Variants in BMP2K observed in about 807,000 individuals in gnomAD.
BMP2K encodes the protein BMP2 inducible kinase, also known as BMP-2-inducible protein kinase.
In BMP2K, 74 loss-of-function variants were observed where a neutral mutation model predicts 116.0. The observed-to-expected ratio is 0.64, with a 90% CI of 0.53 to 0.77. BMP2K has a LOEUF of 0.77. Among genes scored for constraint, BMP2K ranks in the 30% least tolerant of loss-of-function variants. The pLI, the probability that BMP2K is intolerant of heterozygous loss-of-function variation, is 0.00. For synonymous variants in BMP2K, 486 were observed against 502.5 expected (o/e 0.97, Z 0.44); for missense variants, 1,365 against 1,403.6 (o/e 0.97, Z 0.44).
In BMP2K at chr4:78,871,901, C is replaced by T. The variant is rs772737435; in HGVS notation, c.1561C>T (p.His521Tyr). The change falls in exon 12 of 16, where the codon CAT (histidine) becomes TAT (tyrosine). Residue 521 changes from histidine to tyrosine, a missense_variant. This residue lies in a region of BMP2K where 762 missense variants were observed against 756.7 expected (regional missense o/e 1.01). Coordinates refer to ENST00000502613, the MANE Select transcript of BMP2K (RefSeq NM_198892.2). ...QQMLQQQFLM[H>Y]SVYQPQPSAS... Reference sequence around the variant, plus strand: ...GATGCTTCAACAACAATTTTTAATGCATTCGGTATATCAACCACAACCTTC... The same window carrying T: ...GATGCTTCAACAACAATTTTTAATGTATTCGGTATATCAACCACAACCTTC... The T allele has an allele frequency of 1.2e-6, 2 of 1,612,884 alleles. No homozygotes were observed. The highest frequency in any genetic ancestry group is 2.2e-5 in the South Asian group (2 of 90,898).
intron 4 of BMP2K, among the ~76,000 whole-genome samples, chr4:78,843,741 C>G (rs1043009843): frequency 6.6e-6 from 1 of 151,834 alleles, no homozygotes; most frequent in African/African-American, 2.4e-5. Context: ...TTTGAATATG[C>G]AGCTTTTCCA....
At chr4:78,810,089 A>G (rs1729012889) in intron 1 of BMP2K, among the ~76,000 whole-genome samples, 1 of 152,212 alleles carries the variant, frequency 6.6e-6, no homozygotes, top group Non-Finnish European at 1.5e-5. Flanking sequence ...GTGGGTTGCC[A>G]CTGAAGTCTG....
At chr4:78,890,320 A>G (rs1296722446) in intron 15 of BMP2K, among the ~76,000 whole-genome samples, 4 of 152,018 alleles carry the variant, frequency 2.6e-5, no homozygotes, top group Non-Finnish European at 4.4e-5. Flanking sequence ...AACAATAGCT[A>G]TGGACTTTCT....
intron 1 of BMP2K, among the ~76,000 whole-genome samples, chr4:78,803,518 A>G (rs953190493): frequency 6.6e-6 from 1 of 152,016 alleles, no homozygotes; most frequent in Non-Finnish European, 1.5e-5. Context: ...AGCTGGGATT[A>G]CAGATGTGTA....
chr4:78,788,691 C>T (rs1233173166), intron 1 of BMP2K, among the ~76,000 whole-genome samples: 1 of 146,034 alleles, frequency 6.8e-6, no homozygotes. Flanking sequence ...ATTGCAAACT[C>T]ATGAGTTTTT....
chr4:78,824,421 A>G (rs1729774404), intron 1 of BMP2K, among the ~76,000 whole-genome samples: 2 of 152,200 alleles, frequency 1.3e-5, no homozygotes, highest in African/African-American at 2.4e-5. Context: ...TACAACTTAC[A>G]TGGTGGCAGG....
intron 3 of BMP2K, among the ~76,000 whole-genome samples, chr4:78,840,842 T>A (rs779063590): frequency 7.9e-5 from 12 of 152,206 alleles, no homozygotes; most frequent in Admixed American, 2.6e-4. Flanking sequence ...TATTTTAACA[T>A]TAAAAGTTTG....
At chr4:78,823,931 C>T (rs1729755226) in intron 1 of BMP2K, among the ~76,000 whole-genome samples, 1 of 152,108 alleles carries the variant, frequency 6.6e-6, no homozygotes, top group East Asian at 1.9e-4. Flanking sequence ...GTTTTTGTAA[C>T]CAAATAAAAT....
intron 5 of BMP2K, 48 bp from the exon 6 acceptor site, chr4:78,847,140 T>TTTA: frequency 1.0e-6 from 1 of 959,110 alleles, no homozygotes; most frequent in Non-Finnish European, 1.4e-6. Flanking sequence ...TGTCTTTTTT[T>TTTA]TATATATATA....
chr4:78,811,072 T>C (rs796367454), intron 1 of BMP2K, among the ~76,000 whole-genome samples: 7 of 152,342 alleles, frequency 4.6e-5, no homozygotes, highest in African/African-American at 1.2e-4. Flanking sequence ...TTTTCAGTGA[T>C]ACCTTTTCTA....
intron 1 of BMP2K, among the ~76,000 whole-genome samples, chr4:78,780,409 T>C (rs1166405589): frequency 2.0e-5 from 3 of 152,310 alleles, no homozygotes; most frequent in African/African-American, 7.2e-5. Context: ...TCTTTAAAAA[T>C]AGCTCAGTAT....
chr4:78,888,223 T>C (rs1733208895), intron 15 of BMP2K: 1 of 152,202 alleles, frequency 6.6e-6, no homozygotes, highest in Admixed American at 6.5e-5. Flanking sequence ...TAAAAACAGT[T>C]CCTATTCTTG....
intron 1 of BMP2K, among the ~76,000 whole-genome samples, chr4:78,807,210 TCTTC>T (rs920150750): frequency 6.6e-6 from 1 of 152,214 alleles, no homozygotes; most frequent in Non-Finnish European, 1.5e-5. Flanking sequence ...CATGTGATTT[TCTTC>T]CTTTATTCTT....
chr4:78,848,917 CACAAGTTTGCT>C (rs1157254310), intron 6 of BMP2K, among the ~76,000 whole-genome samples: 1 of 151,146 alleles, frequency 6.6e-6, no homozygotes, highest in African/African-American at 2.4e-5. Context: ...TCAGGTGAAA[CACAAGTTTGCT>C]ACAATACTTT....
chr4:78,820,449 A>G (rs575840068), intron 1 of BMP2K, among the ~76,000 whole-genome samples: 2 of 152,060 alleles, frequency 1.3e-5, no homozygotes, highest in South Asian at 4.2e-4. Flanking sequence ...TCATATGGAA[A>G]CCGATGTACT....
rs72080119 is a variant in BMP2K, at chr4:78,855,821, ATAT to A, written c.884-3758_884-3756del. ...TTTACACTATTGAGTGAGCAGAGAA[ATAT>A]TATTTCTTCGTGGCTAAGTTTTAAA... On this transcript the variant is annotated intron_variant, in intron 7 of 15. Coordinates refer to ENST00000502613, the MANE Select transcript of BMP2K (RefSeq NM_198892.2). Among the ~76,000 whole-genome samples, 861 of 152,280 alleles carry A rather than the reference ATAT, an allele frequency of 5.7e-3. 11 individuals are homozygous for A. Among genetic ancestry groups the A allele is most frequent in the African/African-American group, 0.019 (808 of 41,566 alleles).
At chr4:78,908,360 C>G (rs1327850212) in intron 15 of BMP2K, among the ~76,000 whole-genome samples, 1 of 152,170 alleles carries the variant, frequency 6.6e-6, no homozygotes, top group Non-Finnish European at 1.5e-5. Context: ...TTACCTCCCT[C>G]AAACATTCTT....
Position 78,913,387 on chromosome 4 carries a change from A to G in BMP2K, c.*1354A>G, listed in dbSNP as rs1257253926. 1.6e-4 allele frequency: 25 copies of G among 152,184 alleles called. No individual in the cohort carries two copies. Among genetic ancestry groups the G allele is most frequent in the Admixed American group, 1.6e-3 (25 of 15,272 alleles). 9.4% of individuals were successfully genotyped at this position (152,184 alleles called of 1,614,324 possible). ...AGAAACTTGAGGTTTTATAGAAATC[A>G]TTTAATGATAGAGATTACATATGTG... On this transcript the variant is annotated 3_prime_UTR_variant, in exon 16 of 16. Transcript: ENST00000502613.
At chr4:78,901,764 CGTA>C (rs1242219592) in intron 15 of BMP2K, among the ~76,000 whole-genome samples, 3 of 152,046 alleles carry the variant, frequency 2.0e-5, no homozygotes, top group African/African-American at 7.2e-5. Flanking sequence ...ACTTCTAAAA[CGTA>C]GTTTTCATGA....
Sources: gnomAD v4.1 joint callset for allele counts (sites outside exome capture counted in the v4.1 genomes callset) on GRCh38, gnomAD v4.1.1 for gene constraint, gnomAD v4.1.1 regional missense constraint, MANE v1.5 for transcripts, NCBI Gene and HGNC (gene_info 2026-07-23, HGNC 2026-07-21) for gene names.